FBXO11: variants seen among roughly 807,000 people sequenced by gnomAD.
The protein encoded by FBXO11 is F-box only protein 11.
Under a neutral mutation model 117.0 loss-of-function variants are expected in FBXO11, and 13 were observed. The ratio of observed to expected loss-of-function variants is 0.11; its 90% CI spans 0.07 to 0.18. FBXO11 has a LOEUF of 0.18. FBXO11 is among the 10% of genes least tolerant of loss of function. FBXO11 has a pLI of 1.00. For missense variants in FBXO11, 767 were observed against 1,164.4 expected (o/e 0.66, Z 4.97); for synonymous variants, 490 against 380.5 (o/e 1.29, Z -3.35).
intron 1 of FBXO11, among the ~76,000 whole-genome samples, chr2:47,897,994 G>C (rs749450993): frequency 2.0e-5 from 3 of 152,164 alleles, no homozygotes; most frequent in South Asian, 2.1e-4. Context: ...TGTTTTTTAA[G>C]GTTTAGTCAC....
chr2:47,903,558 A>C (rs371017138), intron 1 of FBXO11, among the ~76,000 whole-genome samples: 2 of 152,234 alleles, frequency 1.3e-5, no homozygotes, highest in South Asian at 2.1e-4. Flanking sequence ...AAAAGTGTCC[A>C]AGACAAAATT....
intron 1 of FBXO11, among the ~76,000 whole-genome samples, chr2:47,852,662 G>C (rs913265044): frequency 2.0e-5 from 3 of 152,136 alleles, no homozygotes; most frequent in Admixed American, 6.5e-5. Flanking sequence ...AAATGATGAT[G>C]GATGATAATA....
At chr2:47,823,492 C>A (rs541094964) in intron 11 of FBXO11, 132 bp from the exon 12 acceptor site, 1 of 721,326 alleles carries the variant, frequency 1.4e-6, no homozygotes, top group South Asian at 2.0e-5. Context: ...TGGTGACTCA[C>A]GCCTGTTAAT....
chr2:47,811,759 T>C (rs1670628874), intron 18 of FBXO11: 1 of 152,226 alleles, frequency 6.6e-6, no homozygotes, highest in African/African-American at 2.4e-5. Flanking sequence ...ATTAAATCAA[T>C]GACCCAGTCC....
At chr2:47,844,894 C>T (rs1164537571) in intron 1 of FBXO11, among the ~76,000 whole-genome samples, 1 of 152,148 alleles carries the variant, frequency 6.6e-6, no homozygotes, top group Admixed American at 6.6e-5. Context: ...AACTTGGCCT[C>T]CCAAAGTGCT....
At chr2:47,820,532 G>T in intron 13 of FBXO11, 76 bp from the exon 14 acceptor site, 1 of 1,114,598 alleles carries the variant, frequency 9.0e-7, no homozygotes, top group Non-Finnish European at 1.3e-6. Context: ...ATTAGGTAGT[G>T]GTTAAAATTC....
intron 16 of FBXO11, among the ~76,000 whole-genome samples, chr2:47,815,275 G>A (rs1253013827): frequency 3.9e-5 from 6 of 152,230 alleles, no homozygotes; most frequent in Non-Finnish European, 7.3e-5. Context: ...GGGAAACCCA[G>A]CAAAGCCGCT....
At chr2:47,833,095 T>C (rs775466947) in intron 7 of FBXO11, 25 bp from the exon 8 acceptor site, 1 of 1,486,364 alleles carries the variant, frequency 6.7e-7, no homozygotes, top group African/African-American at 1.4e-5. Context: ...TTTTAAAGAA[T>C]ATTACCTTTA....
intron 18 of FBXO11, among the ~76,000 whole-genome samples, chr2:47,812,400 G>T (rs1670681376): frequency 6.6e-6 from 1 of 152,096 alleles, no homozygotes; most frequent in Admixed American, 6.6e-5. Context: ...TCAAAACACG[G>T]CTCAAAAGTG....
chr2:47,865,307 C>G (rs1558455214), intron 1 of FBXO11, among the ~76,000 whole-genome samples: 1 of 152,218 alleles, frequency 6.6e-6, no homozygotes, highest in South Asian at 2.1e-4. Flanking sequence ...AGTTGGCCAT[C>G]TGACTAGGTT....
At chr2:47,848,103 G>A (rs570535859) in intron 1 of FBXO11, among the ~76,000 whole-genome samples, 15 of 151,650 alleles carry the variant, frequency 9.9e-5, no homozygotes, top group Admixed American at 6.6e-4. Flanking sequence ...CAGCCTGGGC[G>A]ACAGAGCGAG....
At position 47,905,549 on chromosome 2, in the gene FBXO11, G is replaced by A; in HGVS notation, c.172C>T (p.Pro58Ser). Residue 58 changes from proline (P) to serine (S), a missense_variant, in exon 1 of 23, where the codon CCG (proline) becomes TCG (serine). Pro to Ser is a moderately conservative substitution (Grantham distance 74). Transcript: ENST00000403359. ...PPQQQQQQQP[P>S]PPPPPPPPLP... Reference sequence around the variant, plus strand: ...GGCGGAGGCGGCGGTGGCGGCGGCGGAGGCTGCTGCTGCTGCTGCTGCTGC... The same window carrying A: ...GGCGGAGGCGGCGGTGGCGGCGGCGAAGGCTGCTGCTGCTGCTGCTGCTGC... 3.2e-6 allele frequency: 4 copies of A among 1,245,188 alleles called. No homozygotes were observed. The highest frequency in any genetic ancestry group is 4.0e-6 in the Non-Finnish European group (4 of 997,714). 77.1% of individuals were successfully genotyped at this position (1,245,188 alleles called of 1,614,324 possible). A position where few individuals can be genotyped will look rare whatever the true frequency, so the allele number is the denominator to read the frequency against.
At chr2:47,849,063 T>C (rs1378997254) in intron 1 of FBXO11, among the ~76,000 whole-genome samples, 1 of 152,212 alleles carries the variant, frequency 6.6e-6, no homozygotes, top group African/African-American at 2.4e-5. Context: ...ACTTTGTGTT[T>C]AGAAACAGCT....
At chr2:47,883,846 A>G (rs904874180) in intron 1 of FBXO11, 2 of 193,520 alleles carry the variant, frequency 1.0e-5, no homozygotes. Context: ...GTTTACAGCA[A>G]GCCACTTTGA....
At chr2:47,883,573 G>A (rs535912361) in intron 1 of FBXO11, 12 of 334,248 alleles carry the variant, frequency 3.6e-5, no homozygotes, top group South Asian at 8.4e-5. Flanking sequence ...CGTCTGGATC[G>A]GCAAACACTG....
intron 1 of FBXO11, among the ~76,000 whole-genome samples, chr2:47,845,087 T>TC (rs1166398203): frequency 6.6e-6 from 1 of 152,142 alleles, no homozygotes; most frequent in Non-Finnish European, 1.5e-5. Context: ...TACAACTCCC[T>TC]CCTCCTTTCC....
At chr2:47,851,599 G>T (rs981744759) in intron 1 of FBXO11, among the ~76,000 whole-genome samples, 1 of 152,140 alleles carries the variant, frequency 6.6e-6, no homozygotes, top group Non-Finnish European at 1.5e-5. Context: ...TCTAGTAGGG[G>T]AGTGAGATAT....
intron 1 of FBXO11, among the ~76,000 whole-genome samples, chr2:47,855,278 G>A (rs532862843): frequency 6.6e-6 from 1 of 151,546 alleles, no homozygotes; most frequent in South Asian, 2.1e-4. Flanking sequence ...ACAGCTCACT[G>A]CAGCCTCGAC....
Position 47,890,843 on chromosome 2 carries a change from A to C in FBXO11, c.232+14646T>G, listed in dbSNP as rs895135214. Among the ~76,000 whole-genome samples the C allele has an allele frequency of 5.9e-5, 9 of 152,076 alleles. No individual in the cohort carries two copies. The South Asian group carries it at 1.9e-3, about 32-fold the overall frequency. On this transcript the variant is annotated intron_variant, in intron 1 of 22. Coordinates refer to ENST00000403359, the MANE Select transcript of FBXO11 (RefSeq NM_001190274.2). ...AAAAATATTATTATTATTGAGACAC[A>C]GTCTTGCTCTATTGCTCACGCTGGA...
Sources: gnomAD v4.1 joint callset for allele counts (sites outside exome capture counted in the v4.1 genomes callset) on GRCh38, gnomAD v4.1.1 for gene constraint, MANE v1.5 for transcripts, NCBI Gene and HGNC (gene_info 2026-07-23, HGNC 2026-07-21) for gene names.